The following GRK5 variants were observed in gnomAD, a reference collection of about 807,000 sequenced individuals.
GRK5 encodes G protein-coupled receptor kinase 5, also known as g protein-coupled receptor kinase GRK5.
Under a neutral mutation model 78.4 loss-of-function variants are expected in GRK5, and 40 were observed. The ratio of observed to expected loss-of-function variants is 0.51; its 90% CI spans 0.40 to 0.66. The LOEUF is 0.66. Ranked by LOEUF, GRK5 falls within the 30% of genes least tolerant of loss-of-function variation. The pLI is 0.00. For missense variants in GRK5, 598 were observed against 759.9 expected (o/e 0.79, Z 2.50); for synonymous variants, 289 against 296.8 (o/e 0.97, Z 0.27).
intron 6 of GRK5, among the ~76,000 whole-genome samples, chr10:119,427,398 C>CCACCA (rs1216919874): frequency 3.3e-5 from 5 of 151,878 alleles, no homozygotes; most frequent in Non-Finnish European, 7.4e-5. Context: ...ATCAGCATCA[C>CCACCA]TGCCATCAAC....
intron 3 of GRK5, among the ~76,000 whole-genome samples, chr10:119,384,586 T>C (rs1160239420): frequency 2.6e-5 from 4 of 152,186 alleles, no homozygotes; most frequent in African/African-American, 9.7e-5. Flanking sequence ...AACCTAGCCA[T>C]TGAGGGGTCT....
intron 3 of GRK5, among the ~76,000 whole-genome samples, chr10:119,394,669 CTGTGGGCACGTGTGTGTGGG>C (rs1852002327): frequency 3.3e-3 from 8 of 2,454 alleles, no homozygotes; most frequent in African/African-American, 0.011. Flanking sequence ...GTATCTGTGT[CTGTGGGCACGTGTGTGTGGG>C]TGTGTGTGGG....
chr10:119,406,046 T>C (rs139964932), intron 4 of GRK5, among the ~76,000 whole-genome samples: 2,084 of 152,300 alleles, frequency 0.014, 52 homozygotes, highest in African/African-American at 0.048. Context: ...GTCCTTGTCA[T>C]TTTAAAGGAG....
chr10:119,302,588 C>T (rs1850202810), intron 1 of GRK5, among the ~76,000 whole-genome samples: 1 of 152,230 alleles, frequency 6.6e-6, no homozygotes, highest in African/African-American at 2.4e-5. Flanking sequence ...TTTCTACCTG[C>T]TCCCCAGGGC....
chr10:119,277,439 T>C (rs1849688471), intron 1 of GRK5, among the ~76,000 whole-genome samples: 1 of 151,838 alleles, frequency 6.6e-6, no homozygotes, highest in Non-Finnish European at 1.5e-5. Flanking sequence ...ATTCTGTACC[T>C]GCTCCAGGGT....
At chr10:119,313,142 A>G (rs991815687) in intron 1 of GRK5, among the ~76,000 whole-genome samples, 40 of 100,002 alleles carry the variant, frequency 4.0e-4, no homozygotes, top group African/African-American at 1.4e-3. Flanking sequence ...TAATGATGGT[A>G]GTGGTGATGG....
intron 2 of GRK5, 42 bp downstream of exon 2, chr10:119,326,653 A>G: frequency 6.8e-7 from 1 of 1,477,734 alleles, no homozygotes; most frequent in Non-Finnish European, 9.5e-7. Context: ...AGTGAGTAGC[A>G]GGTGATCCGC....
chr10:119,406,189 T>C (rs1014795874), intron 4 of GRK5, among the ~76,000 whole-genome samples: 3 of 152,218 alleles, frequency 2.0e-5, no homozygotes, highest in African/African-American at 4.8e-5. Context: ...TCTAATTGTG[T>C]CCCTGTACTT....
At position 119,448,261 on chromosome 10, in the gene GRK5, G is replaced by A. The variant is rs748998567; in HGVS notation, c.1404+1G>A. 1 of 1,589,388 alleles carries A rather than the reference G, an allele frequency of 6.3e-7. No individual in the cohort carries two copies. The highest frequency in any genetic ancestry group is 8.5e-7 in the Non-Finnish European group (1 of 1,170,398). ...GTTGGACCCTCCCTTCGTTCCAGAC[G>A]TGAGTAGCCTCCCCCAGCCCCCAGC... is the stretch of plus-strand genomic sequence containing the variant. On this transcript the variant is annotated splice_donor_variant, in intron 13 of 15. Coordinates refer to ENST00000392870, the MANE Select transcript of GRK5 (RefSeq NM_005308.3). LOFTEE classifies it high-confidence loss of function.
At position 119,458,678 on chromosome 10, in the gene GRK5, C is replaced by T. The variant is rs960182432; in HGVS notation, c.*3611C>T. On this transcript the variant is annotated 3_prime_UTR_variant, in exon 16 of 16. Transcript: ENST00000392870. Reference sequence around the variant, plus strand: ...GTAGGATCAGAGCCCAGGTGAGCCCCTGAGGATACCGAGGCCTTCCCTCCC... The same window carrying T: ...GTAGGATCAGAGCCCAGGTGAGCCCTTGAGGATACCGAGGCCTTCCCTCCC... 7 of 152,262 alleles carry T rather than the reference C, an allele frequency of 4.6e-5. No homozygotes were observed. Among genetic ancestry groups the T allele is most frequent in the Admixed American group, 1.3e-4 (2 of 15,282 alleles). The allele number at this position is 152,262 out of a possible 1,614,324, so 9.4% of individuals were successfully genotyped here.
intron 1 of GRK5, among the ~76,000 whole-genome samples, chr10:119,256,855 A>G (rs1443463412): frequency 1.3e-5 from 2 of 152,172 alleles, no homozygotes; most frequent in African/African-American, 2.4e-5. Flanking sequence ...CCATCACCCC[A>G]AAAAGAAACC....
At chr10:119,230,223 C>T (rs75132168) in intron 1 of GRK5, among the ~76,000 whole-genome samples, 3 of 152,100 alleles carry the variant, frequency 2.0e-5, no homozygotes, top group Non-Finnish European at 2.9e-5. Flanking sequence ...CGGTAGCTCA[C>T]GCCTGTAATC....
chr10:119,440,386 CTTT>C (rs1005362791), intron 10 of GRK5, among the ~76,000 whole-genome samples: 1 of 145,476 alleles, frequency 6.9e-6, no homozygotes, highest in Non-Finnish European at 1.5e-5. Flanking sequence ...CCTATACCTT[CTTT>C]TTTTTTTTTT....
chr10:119,287,144 G>A (rs1849861004), intron 1 of GRK5, among the ~76,000 whole-genome samples: 1 of 147,170 alleles, frequency 6.8e-6, no homozygotes, highest in Admixed American at 6.8e-5. Flanking sequence ...AGGGAAGGAA[G>A]CAAGGGAGGG....
chr10:119,394,873 A>C (rs1357278183), intron 3 of GRK5, among the ~76,000 whole-genome samples: 1 of 142,204 alleles, frequency 7.0e-6, no homozygotes, highest in Non-Finnish European at 1.5e-5. Context: ...ACTCAGGTTT[A>C]GGAGAGCGAC....
intron 11 of GRK5, 127 bp from the exon 12 acceptor site, chr10:119,443,417 G>T (rs1564937364): frequency 2.6e-6 from 2 of 765,052 alleles, no homozygotes; most frequent in East Asian, 5.4e-5. Flanking sequence ...CTCCCTGGAG[G>T]GGGTGGTATT....
chr10:119,248,225 C>T (rs2133749851), intron 1 of GRK5, among the ~76,000 whole-genome samples: 1 of 152,218 alleles, frequency 6.6e-6, no homozygotes. Context: ...GTTGCCCAGG[C>T]TGGTCTCAAA....
At chr10:119,262,163 A>T (rs957920876) in intron 1 of GRK5, among the ~76,000 whole-genome samples, 3 of 152,126 alleles carry the variant, frequency 2.0e-5, no homozygotes, top group Non-Finnish European at 4.4e-5. Context: ...ACATGGAGAC[A>T]CTTGGCAGCC....
chr10:119,409,975 A>G lies in GRK5; in HGVS notation c.340-13191A>G, dbSNP rs1320640245. On this transcript the variant is annotated intron_variant, in intron 4 of 15. Transcript: ENST00000392870. ...CATTGGCCTGAGCGGAGCTGGCTGCATGCAAACCACTGGCCAGGAAGAATC... is the reference window on the plus strand; with the variant it reads ...CATTGGCCTGAGCGGAGCTGGCTGCGTGCAAACCACTGGCCAGGAAGAATC... 5.3e-5 allele frequency among the ~76,000 whole-genome samples: 8 copies of G among 152,250 alleles called. No homozygotes were observed. In the East Asian group the frequency reaches 1.4e-3, roughly 26 times the overall value.
Sources: gnomAD v4.1 joint callset for allele counts (sites outside exome capture counted in the v4.1 genomes callset) on GRCh38, gnomAD v4.1.1 for gene constraint, MANE v1.5 for transcripts, NCBI Gene and HGNC (gene_info 2026-07-23, HGNC 2026-07-21) for gene names.